The following ZNF385D variants were observed in gnomAD, a reference collection of about 807,000 sequenced individuals.
ZNF385D encodes the protein zinc finger protein 659.
A neutral mutation model predicts 35.8 loss-of-function variants in ZNF385D; 15 were observed. The ratio of observed to expected loss-of-function variants is 0.42; its 90% CI spans 0.28 to 0.64. ZNF385D has a LOEUF of 0.64. Among genes scored for constraint, ZNF385D ranks in the 30% least tolerant of loss-of-function variants. The probability of loss-of-function intolerance (pLI) is 0.23; values close to 1 mark genes in which losing one functional copy is unlikely to be tolerated. For missense variants in ZNF385D, 474 were observed against 494.6 expected (o/e 0.96, Z 0.39); for synonymous variants, 212 against 186.8 (o/e 1.13, Z -1.10).
rs536986718 is a variant in ZNF385D, at chr3:22,180,596, T to A, written c.107-11561A>T. 5.9e-5 allele frequency among the ~76,000 whole-genome samples: 9 copies of A among 152,292 alleles called. No homozygotes were observed. The East Asian group carries it at 1.7e-3, about 29-fold the overall frequency. ...AAAAAGCTTATCCACCATGATCAAG[T>A]GGGCTTCATCCCTGGGAGGCAAGGT... On this transcript the variant is annotated intron_variant, in intron 2 of 5. Transcript: ENST00000494108.
Position 22,316,287 on chromosome 3 carries a change from A to G in ZNF385D, c.106+56163T>C, listed in dbSNP as rs141373596. Among the ~76,000 whole-genome samples the G allele has an allele frequency of 3.1e-3, 468 of 151,632 alleles. 1 individual carries two copies. Among genetic ancestry groups the G allele is most frequent in the African/African-American group, 3.8e-3 (157 of 41,268 alleles). The stretch of plus-strand genomic sequence containing the variant: ...GGGAGGCAGATTTGAGTATTATTAA[A>G]CTCCTGTCCTAAATCTTGGCTGGCC... On this transcript the variant is annotated intron_variant, in intron 2 of 5. Coordinates refer to the ZNF385D transcript ENST00000494108.
At chr3:21,655,040 T>A (rs555354326) in intron 2 of ZNF385D, among the ~76,000 whole-genome samples, 1 of 152,008 alleles carries the variant, frequency 6.6e-6, no homozygotes, top group Admixed American at 6.6e-5. Flanking sequence ...CCCACTAATT[T>A]TGGCCATGAG....
At chr3:22,112,251 G>A (rs28646169) in intron 3 of ZNF385D, among the ~76,000 whole-genome samples, 3,094 of 152,008 alleles carry the variant, frequency 0.02, 103 homozygotes, top group African/African-American at 0.071. Flanking sequence ...CTTTTTGCAT[G>A]GATTATAATG....
chr3:21,980,208 C>T (rs773658670), intron 3 of ZNF385D, among the ~76,000 whole-genome samples: 10 of 152,136 alleles, frequency 6.6e-5, no homozygotes, highest in Non-Finnish European at 1.5e-4. Context: ...GAATGAGCTA[C>T]CTTGTAAGTA....
intron 2 of ZNF385D, among the ~76,000 whole-genome samples, chr3:22,218,141 G>A (rs1322278971): frequency 6.6e-6 from 1 of 151,864 alleles, no homozygotes; most frequent in Non-Finnish European, 1.5e-5. Context: ...CTATCTCGTA[G>A]GAATTTTTAC....
chr3:22,170,635 T>G, intron 2 of ZNF385D, among the ~76,000 whole-genome samples: 1 of 152,290 alleles, frequency 6.6e-6, no homozygotes, highest in East Asian at 1.9e-4. Context: ...AATGGTCATT[T>G]TAAAAGAAAA....
At chr3:22,208,911 G>C (rs1346033556) in intron 2 of ZNF385D, among the ~76,000 whole-genome samples, 2 of 151,822 alleles carry the variant, frequency 1.3e-5, no homozygotes, top group South Asian at 4.1e-4. Flanking sequence ...TTGTAATGAG[G>C]TATCAGGGAA....
intron 2 of ZNF385D, among the ~76,000 whole-genome samples, chr3:22,181,061 C>T (rs1447357803): frequency 2.0e-5 from 3 of 151,812 alleles, no homozygotes; most frequent in Non-Finnish European, 1.5e-5. Context: ...CTGTCCATGC[C>T]TAGTCTTTTT....
chr3:21,835,702 G>T (rs1429730277), intron 3 of ZNF385D, among the ~76,000 whole-genome samples: 1 of 151,916 alleles, frequency 6.6e-6, no homozygotes, highest in Non-Finnish European at 1.5e-5. Context: ...ATTATACTTG[G>T]AACTGTATTG....
At chr3:21,770,051 T>A (rs1159999547) in intron 3 of ZNF385D, among the ~76,000 whole-genome samples, 2 of 152,196 alleles carry the variant, frequency 1.3e-5, no homozygotes, top group African/African-American at 4.8e-5. Context: ...AAGCGGAAAC[T>A]GGATCCCTTC....
intron 1 of ZNF385D, among the ~76,000 whole-genome samples, chr3:21,698,513 C>G (rs1237475205): frequency 6.6e-6 from 1 of 152,044 alleles, no homozygotes; most frequent in Non-Finnish European, 1.5e-5. Context: ...ACAGTGTTCA[C>G]TACTTGGTTG....
chr3:22,371,503 C>T (rs1696903432), intron 2 of ZNF385D, among the ~76,000 whole-genome samples: 2 of 152,124 alleles, frequency 1.3e-5, no homozygotes, highest in Admixed American at 1.3e-4. Flanking sequence ...CAGACCAGCT[C>T]GGGCTAAAGC....
intron 2 of ZNF385D, among the ~76,000 whole-genome samples, chr3:22,297,828 A>C (rs1265202207): frequency 2.0e-5 from 3 of 152,166 alleles, no homozygotes; most frequent in African/African-American, 7.2e-5. Flanking sequence ...ACCTAGGAGC[A>C]AATGATATTG....
At chr3:22,289,587 T>A (rs1452885550) in intron 2 of ZNF385D, among the ~76,000 whole-genome samples, 1 of 152,166 alleles carries the variant, frequency 6.6e-6, no homozygotes, top group Non-Finnish European at 1.5e-5. Flanking sequence ...AAATGTGCAT[T>A]TCAGCCCCAT....
At position 21,646,032 on chromosome 3, in the gene ZNF385D, G is replaced by A. The variant is rs756173170; in HGVS notation, c.165+18854C>T. On this transcript the variant is annotated intron_variant, in intron 2 of 7. Transcript: ENST00000281523. This position sits in a 1 kb window ranked among gnomAD's most constrained non-coding sequence, Gnocchi z 4.3. ...GTAAAAAGCTCATTCAAAGAAGCTC[G>A]GTCCTCATTTACAGGGAATGAGAAA... Among the ~76,000 whole-genome samples the A allele has an allele frequency of 4.6e-5, 7 of 152,076 alleles. No homozygotes were observed. The highest frequency in any genetic ancestry group is 7.2e-5 in the African/African-American group (3 of 41,408).
chr3:21,929,929 T>C (rs35993195), intron 3 of ZNF385D, among the ~76,000 whole-genome samples: 83,640 of 151,850 alleles, frequency 0.55, 24,697 homozygotes, highest in South Asian at 0.66. Flanking sequence ...GCTGGATTTC[T>C]GTAGAAATTG....
At chr3:22,201,196 G>A (rs1344876480) in intron 2 of ZNF385D, among the ~76,000 whole-genome samples, 1 of 152,048 alleles carries the variant, frequency 6.6e-6, no homozygotes, top group African/African-American at 2.4e-5. Context: ...TATTAATTTG[G>A]GGAACTAATA....
intron 1 of ZNF385D, among the ~76,000 whole-genome samples, chr3:21,700,259 C>T (rs761826181): frequency 6.6e-6 from 1 of 151,898 alleles, no homozygotes; most frequent in East Asian, 1.9e-4. Flanking sequence ...GTATAGGGAC[C>T]AGAAGGAAGT....
At chr3:22,091,696 G>A (rs1295183048) in intron 3 of ZNF385D, among the ~76,000 whole-genome samples, 1 of 152,152 alleles carries the variant, frequency 6.6e-6, no homozygotes, top group African/African-American at 2.4e-5. Context: ...CCCGACTGAA[G>A]GAGAAACTGG....
Sources: allele counts gnomAD v4.1 joint callset (sites outside exome capture counted in the v4.1 genomes callset), GRCh38; gene constraint gnomAD v4.1.1; non-coding constraint Gnocchi (gnomAD v3.1); transcripts MANE v1.5; gene names NCBI Gene and HGNC (gene_info 2026-07-23, HGNC 2026-07-21).